The following WWC1 variants were observed in gnomAD, a reference collection of about 807,000 sequenced individuals.
WWC1 encodes the protein protein KIBRA.
A neutral mutation model predicts 138.4 loss-of-function variants in WWC1; 55 were observed. The observed-to-expected ratio is 0.40, with a 90% CI of 0.32 to 0.50. The LOEUF (loss-of-function observed/expected upper bound fraction) is 0.50, where lower values mean the gene tolerates loss of function less well. Ranked by LOEUF, WWC1 falls within the 20% of genes least tolerant of loss-of-function variation. WWC1 has a pLI of 0.72. For missense variants in WWC1, 1,226 were observed against 1,420.4 expected (o/e 0.86, Z 2.20); for synonymous variants, 524 against 564.9 (o/e 0.93, Z 1.03).
chr5:168,375,318 G>A (rs963290736), intron 2 of WWC1, among the ~76,000 whole-genome samples: 3 of 152,066 alleles, frequency 2.0e-5, no homozygotes, highest in Non-Finnish European at 4.4e-5. Flanking sequence ...GAGGGAAACC[G>A]AGTGTGTTGG....
chr5:168,414,111 G>A (rs769907571), intron 8 of WWC1: 2 of 529,860 alleles, frequency 3.8e-6, no homozygotes, highest in Non-Finnish European at 6.7e-6. Context: ...ACAGGGCAAG[G>A]ACATTGCCTT....
rs1757612254 is a variant in WWC1, at chr5:168,470,168, G to A, written c.*1151G>A. On this transcript the variant is annotated 3_prime_UTR_variant, in exon 23 of 23. Transcript: ENST00000265293. ...TTGCAGGGTCTACTGCAGACAATCA[G>A]AAGTCAGTTTCTAACAAATAGCAAC... The A allele has an allele frequency of 6.6e-6, 1 of 152,206 alleles. No individual in the cohort carries two copies. Among genetic ancestry groups the A allele is most frequent in the African/African-American group, 2.4e-5 (1 of 41,434 alleles). The allele number at this position is 152,206 out of a possible 1,614,324, so 9.4% of individuals were successfully genotyped here.
intron 17 of WWC1, among the ~76,000 whole-genome samples, chr5:168,452,399 A>T (rs1755911403): frequency 6.6e-6 from 1 of 152,046 alleles, no homozygotes; most frequent in Admixed American, 6.6e-5. Context: ...TTGGGCTGGG[A>T]CCTCATACGA....
At chr5:168,365,247 T>C (rs1232086744) in intron 1 of WWC1, among the ~76,000 whole-genome samples, 12 of 152,130 alleles carry the variant, frequency 7.9e-5, no homozygotes, top group Non-Finnish European at 1.8e-4. Context: ...GCCTGGCCAT[T>C]GTGCCTGGGC....
chr5:168,435,730 A>C (rs559679736), intron 15 of WWC1, among the ~76,000 whole-genome samples: 2 of 152,116 alleles, frequency 1.3e-5, no homozygotes, highest in Admixed American at 1.3e-4. Context: ...TTTTCACCCC[A>C]TTTCCACTTC....
chr5:168,363,527 A>AAG (rs2152801722), intron 1 of WWC1, among the ~76,000 whole-genome samples: 1 of 149,576 alleles, frequency 6.7e-6, no homozygotes, highest in Admixed American at 6.7e-5. Context: ...TCTGTCTCAA[A>AAG]AAAAAAAAAA....
chr5:168,359,222 A>C (rs1775700539), intron 1 of WWC1, among the ~76,000 whole-genome samples: 1 of 151,828 alleles, frequency 6.6e-6, no homozygotes, highest in African/African-American at 2.4e-5. Flanking sequence ...TGTCTGGCTA[A>C]TTTTTTTGTA....
intron 1 of WWC1, among the ~76,000 whole-genome samples, chr5:168,334,528 G>A (rs963026701): frequency 6.6e-6 from 1 of 152,094 alleles, no homozygotes; most frequent in African/African-American, 2.4e-5. Flanking sequence ...ATAACTGTGA[G>A]GAGTAAGATC....
rs1769066255 is a variant in WWC1, at chr5:168,291,722, A to AG, written c.-430dup. 6.5e-6 allele frequency: 1 copy of AG among 152,956 alleles called. No individual in the cohort carries two copies. Among genetic ancestry groups the AG allele is most frequent in the Non-Finnish European group, 1.5e-5 (1 of 68,038 alleles). 9.5% of individuals were successfully genotyped at this position (152,956 alleles called of 1,614,324 possible). A position where few individuals can be genotyped will look rare whatever the true frequency, so the allele number is the denominator to read the frequency against. On this transcript the variant is annotated 5_prime_UTR_variant, in exon 1 of 23. Coordinates refer to ENST00000265293, the MANE Select transcript of WWC1 (RefSeq NM_015238.3). ...CAGAAGTCACAAACCCGGCGAGCTC[A>AG]GAGCGGTGGAGCGGAGAGGAGGGAC...
At chr5:168,395,857 A>G (rs2152828499) in intron 3 of WWC1, among the ~76,000 whole-genome samples, 1 of 152,376 alleles carries the variant, frequency 6.6e-6, no homozygotes, top group South Asian at 2.1e-4. Flanking sequence ...GTTATTATGC[A>G]GAGCAGTTTT....
At chr5:168,454,227 TG>T (rs1346846260) in intron 18 of WWC1, 127 bp downstream of exon 18, 1 of 1,404,752 alleles carries the variant, frequency 7.1e-7, no homozygotes. Context: ...GCCCTCATAA[TG>T]GAGTGGCCTT....
intron 8 of WWC1, chr5:168,414,065 G>C (rs1304572297): frequency 5.0e-6 from 2 of 397,356 alleles, no homozygotes; most frequent in Non-Finnish European, 9.1e-6. Context: ...AGAGGTTAGT[G>C]CCTGGTGATG....
chr5:168,460,448 GA>G (rs2152891495), intron 19 of WWC1, among the ~76,000 whole-genome samples: 1 of 152,340 alleles, frequency 6.6e-6, no homozygotes, highest in South Asian at 2.1e-4. Flanking sequence ...GCATGGAGAT[GA>G]AGCAGTATGC....
chr5:168,425,479 G>A (rs1218365777), intron 11 of WWC1, among the ~76,000 whole-genome samples: 1 of 148,922 alleles, frequency 6.7e-6, no homozygotes, highest in East Asian at 2.1e-4. Context: ...GGAAGTGGGT[G>A]CTATTTTTAA....
At chr5:168,419,662 G>A (rs1269770895) in intron 9 of WWC1, among the ~76,000 whole-genome samples, 1 of 152,244 alleles carries the variant, frequency 6.6e-6, no homozygotes, top group Non-Finnish European at 1.5e-5. Context: ...GTGGGCCACA[G>A]GCGGAGAAAG....
chr5:168,454,120 TA>T lies in WWC1; in HGVS notation c.2658+21del. On this transcript the variant is annotated intron_variant, in intron 18 of 22. Coordinates refer to ENST00000265293, the MANE Select transcript of WWC1 (RefSeq NM_015238.3). ...TTAAAGGTAGGAAGGGCTGGGGGGA[TA>T]GAAGGGCTGTCGTGGGGAAGGAACC... 1 of 1,607,496 alleles carries T rather than the reference TA, an allele frequency of 6.2e-7. No homozygotes were observed. The highest frequency in any genetic ancestry group is 8.5e-7 in the Non-Finnish European group (1 of 1,178,092).
chr5:168,440,672 C>T (rs2152870014), intron 15 of WWC1, among the ~76,000 whole-genome samples: 1 of 152,296 alleles, frequency 6.6e-6, no homozygotes, highest in East Asian at 1.9e-4. Context: ...CATACGCCAC[C>T]ACGCTCGGCT....
At chr5:168,391,894 A>C (rs1778544664) in intron 3 of WWC1, among the ~76,000 whole-genome samples, 1 of 151,224 alleles carries the variant, frequency 6.6e-6, no homozygotes, top group Non-Finnish European at 1.5e-5. Context: ...AGAAAAGAGA[A>C]AATGGGCTGA....
At chr5:168,425,442 A>T in intron 11 of WWC1, among the ~76,000 whole-genome samples, 1 of 150,176 alleles carries the variant, frequency 6.7e-6, no homozygotes, top group African/African-American at 2.5e-5. Context: ...CTGCATATTT[A>T]CTCATTTAAG....
Sources: allele counts gnomAD v4.1 joint callset (sites outside exome capture counted in the v4.1 genomes callset), GRCh38; gene constraint gnomAD v4.1.1; transcripts MANE v1.5; gene names NCBI Gene and HGNC (gene_info 2026-07-23, HGNC 2026-07-21).